Variants in USP50 observed in about 807,000 individuals in gnomAD.
USP50 encodes ubiquitin carboxyl-terminal hydrolase 50.
USP50 carries 37 observed loss-of-function variants against 39.2 expected under a neutral mutation model. The observed-to-expected ratio is 0.94, with a 90% CI of 0.73 to 1.24. The LOEUF (loss-of-function observed/expected upper bound fraction) is 1.24. USP50 is among the 50% of genes most tolerant of loss of function. The pLI is 0.00. For missense variants in USP50, 374 were observed against 398.2 expected (o/e 0.94, Z 0.52); for synonymous variants, 139 against 144.5 (o/e 0.96, Z 0.27).
intron 6 of USP50, among the ~76,000 whole-genome samples, chr15:50,521,911 C>T (rs1195998111): frequency 2.0e-5 from 3 of 152,118 alleles, no homozygotes; most frequent in African/African-American, 7.2e-5. Flanking sequence ...TTGCAGTGAG[C>T]CAAGATCGTA....
At chr15:50,525,773 A>G (rs2052892918) in intron 6 of USP50, among the ~76,000 whole-genome samples, 1 of 142,670 alleles carries the variant, frequency 7.0e-6, no homozygotes, top group Non-Finnish European at 1.5e-5. Context: ...CACCCCATTA[A>G]TGTATAAAAT....
At chr15:50,502,769 AC>A (rs2052609601) in intron 6 of USP50, 1 of 152,388 alleles carries the variant, frequency 6.6e-6, no homozygotes, top group Non-Finnish European at 1.5e-5. Flanking sequence ...AATAGCTGGG[AC>A]TACAGGCATA....
chr15:50,499,331 TTAAAA>T (rs2052530141), downstream of USP50: 2 of 327,374 alleles, frequency 6.1e-6, no homozygotes, highest in Non-Finnish European at 1.1e-5. Flanking sequence ...TGCTCCAAAG[TTAAAA>T]TAATTAACTA....
chr15:50,540,908 G>T, intron 4 of USP50, 141 bp downstream of exon 4: 1 of 687,224 alleles, frequency 1.5e-6, no homozygotes, highest in Non-Finnish European at 2.4e-6. Flanking sequence ...ACAGGCATGA[G>T]CCACCGCACT....
At chr15:50,543,090 G>C (rs1436191045) in intron 3 of USP50, among the ~76,000 whole-genome samples, 5 of 152,188 alleles carry the variant, frequency 3.3e-5, no homozygotes, top group Non-Finnish European at 5.9e-5. Flanking sequence ...GGTTAGGTAT[G>C]TTTGGTATGA....
Position 50,500,625 on chromosome 15 carries a change from A to C in USP50, c.*144T>G. The C allele has an allele frequency of 1.5e-6, 1 of 675,046 alleles. No homozygotes were observed. The highest frequency in any genetic ancestry group is 1.9e-5 in the South Asian group (1 of 52,340). 41.8% of individuals were successfully genotyped at this position (675,046 alleles called of 1,614,324 possible). ...ACCAGATGCTGACTGCTTGTTTTGC[A>C]GTGTTCAGGAAACACCATTTTCCTG... On this transcript the variant is annotated 3_prime_UTR_variant, in exon 7 of 7. Transcript: ENST00000532404.
intron 6 of USP50, chr15:50,507,433 A>G (rs1343737315): frequency 6.6e-6 from 1 of 152,198 alleles, no homozygotes; most frequent in Non-Finnish European, 1.5e-5. Flanking sequence ...GGGATGCTCA[A>G]CTTGTCGTAG....
intron 6 of USP50, chr15:50,509,758 C>T (rs1226927341): frequency 6.6e-6 from 1 of 151,738 alleles, no homozygotes; most frequent in Non-Finnish European, 1.5e-5. Flanking sequence ...TTGTTAATAC[C>T]CTAAAAACTT....
intron 4 of USP50, among the ~76,000 whole-genome samples, chr15:50,539,391 G>GTTTTT (rs55858194): frequency 0.033 from 4,425 of 136,058 alleles, 95 homozygotes; most frequent in Middle Eastern, 0.098. Context: ...TAACTTTTCT[G>GTTTTT]TTTTTTTTTT....
chr15:50,518,706 A>G (rs1340715987), intron 6 of USP50, among the ~76,000 whole-genome samples: 4 of 152,122 alleles, frequency 2.6e-5, no homozygotes, highest in Non-Finnish European at 5.9e-5. Flanking sequence ...CGATAAAACT[A>G]CTAGAAGATA....
At chr15:50,518,388 T>C (rs561270472) in intron 6 of USP50, among the ~76,000 whole-genome samples, 104 of 151,122 alleles carry the variant, frequency 6.9e-4, no homozygotes, top group African/African-American at 2.3e-3. Flanking sequence ...GCCCGGCTAA[T>C]TTTTTTTTAT....
intron 5 of USP50, among the ~76,000 whole-genome samples, chr15:50,536,422 C>T (rs1326180461): frequency 6.6e-6 from 1 of 152,118 alleles, no homozygotes; most frequent in Admixed American, 6.6e-5. Context: ...GGGTGGATCA[C>T]CTGAGGTCAG....
intron 6 of USP50, among the ~76,000 whole-genome samples, chr15:50,518,787 A>C (rs2052824322): frequency 6.6e-6 from 1 of 152,226 alleles, no homozygotes; most frequent in African/African-American, 2.4e-5. Context: ...AAGCACAGGC[A>C]ACAAATTGAA....
At chr15:50,521,133 C>T (rs561776305) in intron 6 of USP50, among the ~76,000 whole-genome samples, 3 of 152,264 alleles carry the variant, frequency 2.0e-5, no homozygotes, top group African/African-American at 7.2e-5. Flanking sequence ...CCTCCACCTC[C>T]CTGGTGCAAG....
At chr15:50,525,311 A>T (rs2052879546) in intron 6 of USP50, among the ~76,000 whole-genome samples, 2 of 152,092 alleles carry the variant, frequency 1.3e-5, no homozygotes, top group South Asian at 4.1e-4. Flanking sequence ...ATAAAGTTTC[A>T]GTGAGGAAGT....
At chr15:50,525,725 ATATGTATATG>A (rs376145946) in intron 6 of USP50, among the ~76,000 whole-genome samples, 2,245 of 98,136 alleles carry the variant, frequency 0.023, 181 homozygotes, top group African/African-American at 0.081. Flanking sequence ...GTATATGTAT[ATATGTATATG>A]TATATAATCT....
At chr15:50,514,805 G>A (rs1336712799) in intron 6 of USP50, among the ~76,000 whole-genome samples, 1 of 151,928 alleles carries the variant, frequency 6.6e-6, no homozygotes, top group Non-Finnish European at 1.5e-5. Flanking sequence ...TGGGATTACA[G>A]GCGTGAGCCA....
exon 2 of USP50, chr15:50,494,086 C>T (rs1201238977): frequency 1.2e-6 from 2 of 1,607,286 alleles, no homozygotes; most frequent in Non-Finnish European, 1.7e-6. Flanking sequence ...TTTGTTGGGG[C>T]ATAAAGGTGA....
chr15:50,509,167 A>G (rs2052705601), intron 6 of USP50: 1 of 149,490 alleles, frequency 6.7e-6, no homozygotes, highest in Non-Finnish European at 1.5e-5. Context: ...AAAAATTACA[A>G]AATTAGCTGG....
Sources: gnomAD v4.1 joint callset for allele counts (sites outside exome capture counted in the v4.1 genomes callset) on GRCh38, gnomAD v4.1.1 for gene constraint, MANE v1.5 for transcripts, NCBI Gene and HGNC (gene_info 2026-07-23, HGNC 2026-07-21) for gene names.